The following RAB3C variants were observed in gnomAD, a reference collection of about 807,000 sequenced individuals.
RAB3C encodes ras-related protein Rab-3C.
A neutral mutation model predicts 26.4 loss-of-function variants in RAB3C; 17 were observed. That is an observed-to-expected ratio of 0.64 (90% confidence interval 0.44 to 0.97). RAB3C has a LOEUF of 0.97. RAB3C is among the 50% of genes least tolerant of loss of function. The pLI, the probability that RAB3C is intolerant of heterozygous loss-of-function variation, is 0.00. For synonymous variants in RAB3C, 91 were observed against 95.9 expected (o/e 0.95, Z 0.30); for missense variants, 242 against 281.9 (o/e 0.86, Z 1.01).
chr5:58,825,066 G>T lies in RAB3C; in HGVS notation c.400G>T (p.Asp134Tyr). The part of the protein sequence containing the change: ...WSTQIKTYSW[D>Y]NAQVILVGNK... ...AACTCAAATCAAAACATACTCTTGG[G>T]ACAATGCCCAAGTTATTCTGGTTGG... Residue 134 changes from aspartate to tyrosine, a missense_variant, in exon 4 of 5, where the codon GAC becomes TAC. Asp to Tyr is a radical substitution (Grantham distance 160, BLOSUM62 -3). Coordinates refer to ENST00000282878, the MANE Select transcript of RAB3C (RefSeq NM_138453.4). 6.2e-7 allele frequency: 1 copy of T among 1,612,248 alleles called. No individual in the cohort carries two copies. The highest frequency in any genetic ancestry group is 8.5e-7 in the Non-Finnish European group (1 of 1,178,908).
chr5:58,648,600 G>C (rs189240543), intron 2 of RAB3C, among the ~76,000 whole-genome samples: 1 of 152,100 alleles, frequency 6.6e-6, no homozygotes. Context: ...TTCTTGAAAA[G>C]AACCTAAAGG....
At chr5:58,682,290 T>C (rs565919159) in intron 2 of RAB3C, among the ~76,000 whole-genome samples, 13 of 152,354 alleles carry the variant, frequency 8.5e-5, no homozygotes, top group Admixed American at 2.6e-4. Context: ...TCGACTCTTA[T>C]TCATTTTATC....
intron 2 of RAB3C, among the ~76,000 whole-genome samples, chr5:58,696,182 A>G (rs543798379): frequency 3.3e-5 from 5 of 152,280 alleles, no homozygotes; most frequent in African/African-American, 9.6e-5. Context: ...TGAGATACTC[A>G]TGTGGTTTTT....
chr5:58,686,152 A>G (rs1265595616), intron 2 of RAB3C, among the ~76,000 whole-genome samples: 1 of 152,150 alleles, frequency 6.6e-6, no homozygotes, highest in African/African-American at 2.4e-5. Context: ...ACTGGATGCT[A>G]TTGGAGGCAG....
chr5:58,756,387 C>CATATATATATATAT (rs71604764), intron 3 of RAB3C, among the ~76,000 whole-genome samples: 10 of 132,056 alleles, frequency 7.6e-5, no homozygotes, highest in South Asian at 2.4e-4. Flanking sequence ...TACTATATAA[C>CATATATATATATAT]ATATATATAT....
intron 4 of RAB3C, among the ~76,000 whole-genome samples, chr5:58,838,163 G>A (rs1441520845): frequency 1.3e-5 from 2 of 152,062 alleles, no homozygotes; most frequent in Non-Finnish European, 2.9e-5. Context: ...GGCAGATCAC[G>A]AGGTCAGTAG....
At chr5:58,601,813 CT>C (rs1242221021) in intron 1 of RAB3C, among the ~76,000 whole-genome samples, 1 of 151,772 alleles carries the variant, frequency 6.6e-6, no homozygotes, top group Non-Finnish European at 1.5e-5. Context: ...TTTCATTTAT[CT>C]TTTGTATTTT....
chr5:58,794,827 C>A (rs191707837), intron 3 of RAB3C, among the ~76,000 whole-genome samples: 1 of 152,278 alleles, frequency 6.6e-6, no homozygotes, highest in Admixed American at 6.5e-5. Context: ...ATGGATGTAT[C>A]ACCACTGGGA....
intron 3 of RAB3C, among the ~76,000 whole-genome samples, chr5:58,747,029 C>A (rs914416931): frequency 6.6e-6 from 1 of 152,174 alleles, no homozygotes. Flanking sequence ...CTTTTAAGTT[C>A]TCTCATTCCT....
rs868179234 is a variant in RAB3C, at chr5:58,596,814, A to G, written c.24+13582A>G. Among the ~76,000 whole-genome samples, 324 of 96,872 alleles carry G rather than the reference A, an allele frequency of 3.3e-3. 2 individuals carry two copies. Among genetic ancestry groups the G allele is most frequent in the African/African-American group, 0.013 (305 of 23,996 alleles). The allele number at this position is 96,872 out of a possible 152,430, so 63.6% of individuals were successfully genotyped here. ...TATATATAAATTTATAATATATAAT[A>G]CATAATATATTATATATAAATTTAT... On this transcript the variant is annotated intron_variant, in intron 1 of 4. Coordinates refer to ENST00000282878, the MANE Select transcript of RAB3C (RefSeq NM_138453.4).
At chr5:58,698,689 G>GAT (rs896059550) in intron 2 of RAB3C, among the ~76,000 whole-genome samples, 7 of 152,170 alleles carry the variant, frequency 4.6e-5, no homozygotes, top group Non-Finnish European at 1.0e-4. Context: ...TTCAATCACT[G>GAT]ATACCCTTTC....
At chr5:58,708,495 A>G (rs917742946) in intron 2 of RAB3C, among the ~76,000 whole-genome samples, 1 of 152,208 alleles carries the variant, frequency 6.6e-6, no homozygotes, top group Non-Finnish European at 1.5e-5. Flanking sequence ...TAATCCAGAC[A>G]GAGTGGCACC....
intron 1 of RAB3C, among the ~76,000 whole-genome samples, chr5:58,612,514 GTGTGTGTATATA>G (rs1746728019): frequency 3.7e-5 from 2 of 54,102 alleles, no homozygotes; most frequent in Admixed American, 4.4e-4. Context: ...GTGTGTGTGT[GTGTGTGTATATA>G]TATATATATA....
At chr5:58,833,560 A>G (rs1743668539) in intron 4 of RAB3C, among the ~76,000 whole-genome samples, 1 of 152,192 alleles carries the variant, frequency 6.6e-6, no homozygotes, top group African/African-American at 2.4e-5. Flanking sequence ...AATTAGAGGC[A>G]TAAAAGATGA....
chr5:58,642,684 T>C (rs1430575443), intron 2 of RAB3C, among the ~76,000 whole-genome samples: 2 of 152,258 alleles, frequency 1.3e-5, no homozygotes, highest in African/African-American at 4.8e-5. Context: ...TTTTCCTTTA[T>C]AACCAAGAAC....
chr5:58,760,036 C>T (rs974991893), intron 3 of RAB3C, among the ~76,000 whole-genome samples: 2 of 152,282 alleles, frequency 1.3e-5, no homozygotes, highest in Middle Eastern at 3.4e-3. Flanking sequence ...TCCTGTCTCC[C>T]TGACCTAGAT....
upstream of RAB3C, chr5:58,582,939 T>C: frequency 2.4e-6 from 2 of 831,544 alleles, no homozygotes; most frequent in Admixed American, 3.2e-5. Context: ...TGTTTAATGG[T>C]TTGCTTGCTT....
chr5:58,667,056 G>T (rs889723134), intron 2 of RAB3C, among the ~76,000 whole-genome samples: 8 of 152,120 alleles, frequency 5.3e-5, no homozygotes, highest in African/African-American at 1.9e-4. Context: ...TGATAGTTGT[G>T]GCAGACTCTC....
intron 3 of RAB3C, among the ~76,000 whole-genome samples, chr5:58,758,070 T>C (rs1270135822): frequency 6.6e-6 from 1 of 152,152 alleles, no homozygotes; most frequent in Non-Finnish European, 1.5e-5. Flanking sequence ...GCCTCCCAAG[T>C]AGCTGGGACT....
Sources: allele counts gnomAD v4.1 joint callset (sites outside exome capture counted in the v4.1 genomes callset), GRCh38; gene constraint gnomAD v4.1.1; transcripts MANE v1.5; gene names NCBI Gene and HGNC (gene_info 2026-07-23, HGNC 2026-07-21).